ZZEF1: variants seen among roughly 807,000 people sequenced by gnomAD.
The protein encoded by ZZEF1 is zinc finger ZZ-type and EF-hand domain-containing protein 1.
Under a neutral mutation model 342.8 loss-of-function variants are expected in ZZEF1, and 157 were observed. The ratio of observed to expected loss-of-function variants is 0.46; its 90% CI spans 0.40 to 0.52. ZZEF1 has a LOEUF of 0.52. Ranked by LOEUF, ZZEF1 falls within the 20% of genes least tolerant of loss-of-function variation. The pLI is 0.00. For synonymous variants in ZZEF1, 1,505 were observed against 1,429.1 expected, an observed-to-expected ratio of 1.05 and a Z score of -1.20; for missense variants, 3,480 against 3,725.6, an observed-to-expected ratio of 0.93 and a Z score of 1.72.
At chr17:4,039,923 CG>C (rs767597034) in intron 39 of ZZEF1, among the ~76,000 whole-genome samples, 7 of 152,054 alleles carry the variant, frequency 4.6e-5, no homozygotes, top group Non-Finnish European at 1.0e-4. Flanking sequence ...GGATTACAGG[CG>C]TGAGCCACCG....
rs1440686497 is a variant in ZZEF1 at position 4,067,145 on chromosome 17, A to G, written c.4155+18T>C. On this transcript the variant is annotated intron_variant, in intron 27 of 54. Transcript: ENST00000381638. Reference sequence around the variant, plus strand: ...AAAACCTAAAATATAGCAAAATCACATGCAAAGAAAATCTTACCATCCATA... The same window carrying G: ...AAAACCTAAAATATAGCAAAATCACGTGCAAAGAAAATCTTACCATCCATA... The G allele has an allele frequency of 1.2e-6, 2 of 1,606,384 alleles. No individual in the cohort carries two copies. Among genetic ancestry groups the G allele is most frequent in the Admixed American group, 1.7e-5 (1 of 59,220 alleles).
intron 29 of ZZEF1, among the ~76,000 whole-genome samples, chr17:4,063,178 A>C (rs16953679): frequency 1.3e-5 from 2 of 152,226 alleles, no homozygotes; most frequent in Non-Finnish European, 2.9e-5. Context: ...AGGAACATTG[A>C]TATTTTCACT....
chr17:4,058,113 A>T lies in ZZEF1; in HGVS notation c.5046T>A (p.Leu1682=). 3.1e-6 allele frequency: 5 copies of T among 1,614,088 alleles called. No homozygotes were observed. Among genetic ancestry groups the T allele is most frequent in the Non-Finnish European group, 4.2e-6 (5 of 1,179,970 alleles). ...GTTCCCAGCCCATATCCAAAAGATG[A>T]AGCAGGGCTGTCTGAACACAGGATA... ...PALSCVQTAL[L]HLLDMGWEPN... is the part of the protein sequence containing the mutation. Residue 1682 remains leucine, a synonymous_variant, in exon 32 of 55, where the codon CTT becomes CTA. Coordinates refer to ENST00000381638, the MANE Select transcript of ZZEF1 (RefSeq NM_015113.4).
chr17:4,075,120 C>A lies in ZZEF1; in HGVS notation c.3460G>T (p.Val1154Phe). The A allele has an allele frequency of 1.2e-6, 2 of 1,614,246 alleles. No individual in the cohort carries two copies. The highest frequency in any genetic ancestry group is 1.7e-6 in the Non-Finnish European group (2 of 1,180,046). Residue 1154 changes from valine to phenylalanine, a missense_variant, in exon 23 of 55, where the codon GTT (valine) becomes TTT (phenylalanine). This residue lies in a region of ZZEF1 where 1,528 missense variants were observed against 1,624.1 expected (regional missense o/e 0.94). Coordinates refer to ENST00000381638, the MANE Select transcript of ZZEF1 (RefSeq NM_015113.4). ...ACCTTGGGCCATTTATCAGTGCCAA[C>A]TTTTGTGTCATAGCGTGTTTTCCGA... ...RGRKTRYDTK[V>F]GTDKWPKKVT...
In ZZEF1 at chr17:4,017,342, G is replaced by A; in HGVS notation, c.8001+29C>T. On this transcript the variant is annotated intron_variant, in intron 48 of 54. Coordinates refer to ENST00000381638, the MANE Select transcript of ZZEF1 (RefSeq NM_015113.4). The surrounding 1 kb of genome is among the most constrained non-coding windows in gnomAD (Gnocchi z 5.1). The stretch of plus-strand genomic sequence containing the variant: ...GTGGGGCAGAGGAAGAACCTGGTGG[G>A]TGAGCACAAGCTCAGTCTGCATAAC... 6.4e-7 allele frequency: 1 copy of A among 1,554,296 alleles called. No homozygotes were observed. The highest frequency in any genetic ancestry group is 8.7e-7 in the Non-Finnish European group (1 of 1,148,396).
intron 1 of ZZEF1, among the ~76,000 whole-genome samples, chr17:4,132,159 G>A (rs1016726360): frequency 4.0e-5 from 6 of 151,730 alleles, no homozygotes; most frequent in East Asian, 1.9e-4. Context: ...GCTATATACC[G>A]TGTGCATGTA....
chr17:4,086,811 A>G (rs1417121213), intron 14 of ZZEF1, among the ~76,000 whole-genome samples, 156 bp from the exon 15 acceptor site: 1 of 152,222 alleles, frequency 6.6e-6, no homozygotes, highest in Non-Finnish European at 1.5e-5. Context: ...GTGGACCAGA[A>G]AGAACACTGT....
Position 4,072,986 on chromosome 17 carries a change from G to C in ZZEF1, c.3686-230C>G, listed in dbSNP as rs375526339. Among the ~76,000 whole-genome samples the C allele has an allele frequency of 1.6e-4, 24 of 152,246 alleles. No individual in the cohort carries two copies. The East Asian group carries it at 2.1e-3, about 13-fold the overall frequency. On this transcript the variant is annotated intron_variant, in intron 24 of 54. Transcript: ENST00000381638. Reference sequence around the variant, plus strand: ...CTCTGTGGAACAACTTCAGTTACAAGGTACCTTGGAAATGACTAATCTGTT... The same window carrying C: ...CTCTGTGGAACAACTTCAGTTACAACGTACCTTGGAAATGACTAATCTGTT...
chr17:4,016,222 G>C lies in ZZEF1; in HGVS notation c.8145+101C>G. 1.4e-6 allele frequency: 2 copies of C among 1,411,856 alleles called. No homozygotes were observed. Among genetic ancestry groups the C allele is most frequent in the Non-Finnish European group, 9.6e-7 (1 of 1,042,948 alleles). The allele number at this position is 1,411,856 out of a possible 1,614,324, so 87.5% of individuals were successfully genotyped here. On this transcript the variant is annotated intron_variant, in intron 49 of 54. Transcript: ENST00000381638. The surrounding 1 kb of genome is among the most constrained non-coding windows in gnomAD (Gnocchi z 4.4). ...CAGGTCTCTGCTGTCCAGCGGGAGA[G>C]AGCCACAGAGGGGCTGAGCATGGAG... is the stretch of plus-strand genomic sequence containing the variant.
intron 2 of ZZEF1, among the ~76,000 whole-genome samples, chr17:4,117,614 C>T (rs1306582181): frequency 3.0e-5 from 4 of 135,450 alleles, no homozygotes. Context: ...CGCCACTGCA[C>T]TCCAGCCTGG....
intron 9 of ZZEF1, among the ~76,000 whole-genome samples, chr17:4,100,221 A>G (rs530507666): frequency 6.6e-6 from 1 of 152,324 alleles, no homozygotes; most frequent in East Asian, 1.9e-4. Context: ...AGCTCTGGCC[A>G]TGAGTACTTT....
intron 28 of ZZEF1, among the ~76,000 whole-genome samples, chr17:4,065,896 T>G (rs1356725627): frequency 6.6e-6 from 1 of 152,130 alleles, no homozygotes; most frequent in Non-Finnish European, 1.5e-5. Context: ...TTTGGGAGGC[T>G]GAGGTGGGAG....
At chr17:4,118,441 T>C (rs1427792182) in intron 2 of ZZEF1, among the ~76,000 whole-genome samples, 2 of 152,190 alleles carry the variant, frequency 1.3e-5, no homozygotes, top group East Asian at 3.8e-4. Flanking sequence ...GTGATTCACC[T>C]ATGGGGGTCT....
In ZZEF1 at chr17:4,033,011, C is replaced by G. The variant is rs762692958; in HGVS notation, c.6585-9G>C. On this transcript the variant is annotated splice_polypyrimidine_tract_variant and intron_variant, in intron 40 of 54. Coordinates refer to ENST00000381638, the MANE Select transcript of ZZEF1 (RefSeq NM_015113.4). ...AGTCCAAGCCCACCCGGCTGGAAGG[C>G]AAGAGCTCCATTAGGGGCAGTACAC... is the stretch of plus-strand genomic sequence containing the variant. 9 of 1,555,806 alleles carry G rather than the reference C, an allele frequency of 5.8e-6. 1 individual carries two copies. In the South Asian group the frequency reaches 8.3e-5, roughly 14 times the overall value.
intron 8 of ZZEF1, among the ~76,000 whole-genome samples, chr17:4,102,637 C>T (rs570216190): frequency 5.9e-4 from 90 of 152,134 alleles, no homozygotes; most frequent in Non-Finnish European, 1.1e-3. Context: ...TGAGTGATTC[C>T]AAGGACAGCT....
rs1244237632 is a variant in ZZEF1 at position 4,016,665 on chromosome 17, G to A, written c.8002-199C>T. The A allele has an allele frequency of 3.5e-6, 2 of 566,538 alleles. No individual in the cohort carries two copies. Among genetic ancestry groups the A allele is most frequent in the South Asian group, 2.5e-5 (1 of 40,796 alleles). The allele number at this position is 566,538 out of a possible 1,614,324, so 35.1% of individuals were successfully genotyped here. On this transcript the variant is annotated intron_variant, in intron 48 of 54. Coordinates refer to ENST00000381638, the MANE Select transcript of ZZEF1 (RefSeq NM_015113.4). This position sits in a 1 kb window ranked among gnomAD's most constrained non-coding sequence, Gnocchi z 4.4. ...GGCTCTTGGTGTCAATCAGGACACT[G>A]CAGTCCTTTCAGAATGATGCTACTT...
At chr17:4,056,438 A>G in intron 32 of ZZEF1, 93 bp from the exon 33 acceptor site, 1 of 1,292,758 alleles carries the variant, frequency 7.7e-7, no homozygotes, top group Non-Finnish European at 1.0e-6. Flanking sequence ...GGTCTATTAT[A>G]TTGGGCATTT....
intron 43 of ZZEF1, among the ~76,000 whole-genome samples, chr17:4,024,163 T>C (rs965440774): frequency 2.8e-5 from 4 of 145,408 alleles, no homozygotes; most frequent in Admixed American, 7.0e-5. Context: ...CAGCTGCTCA[T>C]CTCCATGCCA....
At chr17:4,101,638 T>C (rs1196664166) in intron 9 of ZZEF1, among the ~76,000 whole-genome samples, 5 of 152,178 alleles carry the variant, frequency 3.3e-5, no homozygotes, top group Admixed American at 6.5e-5. Context: ...TTTTGTTTTG[T>C]TTTTTTGAAA....
Sources: gnomAD v4.1 joint callset for allele counts (sites outside exome capture counted in the v4.1 genomes callset) on GRCh38, gnomAD v4.1.1 for gene constraint, gnomAD v4.1.1 regional missense constraint, Gnocchi (gnomAD v3.1) non-coding constraint, MANE v1.5 for transcripts, NCBI Gene and HGNC (gene_info 2026-07-23, HGNC 2026-07-21) for gene names.